The following CLDND1 variants were observed in gnomAD, a reference collection of about 807,000 sequenced individuals.
The protein encoded by CLDND1 is claudin domain-containing protein 1.
Under a neutral mutation model 26.3 loss-of-function variants are expected in CLDND1, and 13 were observed. That is an observed-to-expected ratio of 0.49 (90% CI 0.32 to 0.78). CLDND1 has a LOEUF of 0.78. Among genes scored for constraint, CLDND1 ranks in the 30% least tolerant of loss-of-function variants. The pLI, the probability that CLDND1 is intolerant of heterozygous loss-of-function variation, is 0.03. For missense variants in CLDND1, 289 were observed against 312.8 expected, an observed-to-expected ratio of 0.92 and a Z score of 0.57; for synonymous variants, 107 against 107.0, an observed-to-expected ratio of 1.00 and a Z score of 0.00.
At position 98,516,663 on chromosome 3, in the gene CLDND1, G is replaced by C. The variant is rs771953222; in HGVS notation, c.758C>G (p.Ala253Gly). 2.4e-5 allele frequency: 39 copies of C among 1,612,778 alleles called. No individual in the cohort carries two copies. In the Admixed American group the frequency reaches 6.5e-4, roughly 27 times the overall value. ...GTAAAGCAGGCAGTTTCTTGCTCAT[G>C]CCACACGATATGCCTTCATTAAGGT... ...EYTLMKAYRV[A>G] Residue 253 changes from alanine to glycine, a missense_variant, in exon 5 of 5, where the codon GCA becomes GGA. Physicochemically the swap from Ala to Gly is moderately conservative, Grantham distance 60 (BLOSUM62 0). Coordinates refer to ENST00000341181, the MANE Select transcript of CLDND1 (RefSeq NM_001040181.2).
chr3:98,517,330 G>C (rs1374489696), intron 3 of CLDND1, 141 bp from the exon 4 acceptor site: 4 of 944,270 alleles, frequency 4.2e-6, no homozygotes, highest in South Asian at 3.6e-5. Context: ...CTTTTCTAAA[G>C]CACATTATTC....
At chr3:98,519,544 G>C (rs909541408) in intron 2 of CLDND1, among the ~76,000 whole-genome samples, 1 of 152,142 alleles carries the variant, frequency 6.6e-6, no homozygotes. Context: ...CCTAACCATA[G>C]TCTTCTAGTT....
chr3:98,518,440 G>C (rs946489642), intron 3 of CLDND1, among the ~76,000 whole-genome samples: 2 of 152,116 alleles, frequency 1.3e-5, no homozygotes, highest in African/African-American at 4.8e-5. Flanking sequence ...CTACCCTTTT[G>C]TTACTATCAC....
In CLDND1 at chr3:98,522,883, A is replaced by G; in HGVS notation, c.-53T>C. 2.5e-6 allele frequency: 4 copies of G among 1,613,348 alleles called. No individual in the cohort carries two copies. Among genetic ancestry groups the G allele is most frequent in the Non-Finnish European group, 3.4e-6 (4 of 1,179,546 alleles). On this transcript the variant is annotated 5_prime_UTR_variant, in exon 1 of 5. Transcript: ENST00000341181. ...TCCTGCTCCGCCAGCTTCACCCTCTAGCTCAGACCACAGCACCCTACTCTC... is the reference window on the plus strand; with the variant it reads ...TCCTGCTCCGCCAGCTTCACCCTCTGGCTCAGACCACAGCACCCTACTCTC...
chr3:98,516,495 G>GA lies in CLDND1; in HGVS notation c.*163_*164insT. On this transcript the variant is annotated 3_prime_UTR_variant, in exon 5 of 5. Coordinates refer to ENST00000341181, the MANE Select transcript of CLDND1 (RefSeq NM_001040181.2). ...AAAGTAAACCACATAAATTTTAGTG[G>GA]TATTAAGTGTGTATTTAGTGGTGAA... 2.1e-6 allele frequency: 3 copies of GA among 1,412,190 alleles called. No individual in the cohort carries two copies. The allele number at this position is 1,412,190 out of a possible 1,614,324, so 87.5% of individuals were successfully genotyped here.
At chr3:98,517,328 A>C (rs935671960) in intron 3 of CLDND1, 139 bp from the exon 4 acceptor site, 9 of 955,390 alleles carry the variant, frequency 9.4e-6, no homozygotes, top group Non-Finnish European at 1.4e-5. Flanking sequence ...CTCTTTTCTA[A>C]AGCACATTAT....
rs958849907 is a variant in CLDND1 at position 98,522,484 on chromosome 3, T to C, written c.-19+365A>G. ...CAATGACAACGAAAACTCAAAAAGT[T>C]GGATTTGTATTTTGATTTTTTAAAA... On this transcript the variant is annotated intron_variant, in intron 1 of 4. Transcript: ENST00000341181. The C allele has an allele frequency of 2.2e-5, 25 of 1,126,148 alleles. No individual in the cohort carries two copies. The African/African-American group carries it at 4.1e-4, about 18-fold the overall frequency. 69.8% of individuals were successfully genotyped at this position (1,126,148 alleles called of 1,614,324 possible). A position where few individuals can be genotyped will look rare whatever the true frequency, so the allele number is the denominator to read the frequency against.
intron 2 of CLDND1, among the ~76,000 whole-genome samples, chr3:98,520,243 T>G (rs1017797822): frequency 1.3e-5 from 2 of 152,254 alleles, no homozygotes; most frequent in Admixed American, 1.3e-4. Context: ...AATTTCAATA[T>G]CAAGTGCTCC....
At chr3:98,522,742 A>G in intron 1 of CLDND1, 107 bp downstream of exon 1, 2 of 1,597,106 alleles carry the variant, frequency 1.3e-6, no homozygotes, top group South Asian at 2.2e-5. Flanking sequence ...GCCGCTCGGA[A>G]CCCGCCCAGC....
intron 1 of CLDND1, 76 bp downstream of exon 1, chr3:98,522,773 G>A: frequency 6.2e-7 from 1 of 1,611,986 alleles, no homozygotes; most frequent in Non-Finnish European, 8.5e-7. Flanking sequence ...CCGGGAAGGG[G>A]GCCCCTCTTC....
chr3:98,521,118 A>C lies in CLDND1; in HGVS notation c.292+15T>G. 6.3e-7 allele frequency: 1 copy of C among 1,596,852 alleles called. No individual in the cohort carries two copies. Among genetic ancestry groups the C allele is most frequent in the Non-Finnish European group, 8.6e-7 (1 of 1,168,190 alleles). On this transcript the variant is annotated intron_variant, in intron 2 of 4. Transcript: ENST00000341181. Reference sequence around the variant, plus strand: ...AACCAGGTGAAGAAGACAGAAGTTAAAATAAGAGAAATACCTGTCCTTTCT... The same window carrying C: ...AACCAGGTGAAGAAGACAGAAGTTACAATAAGAGAAATACCTGTCCTTTCT...
intron 2 of CLDND1, 139 bp downstream of exon 2, chr3:98,520,994 G>GAA (rs1706383401): frequency 1.4e-6 from 1 of 721,998 alleles, no homozygotes; most frequent in African/African-American, 1.8e-5. Flanking sequence ...GAAGGCAGTA[G>GAA]AAAGAGAAGA....
chr3:98,516,536 TAG>T lies in CLDND1; in HGVS notation c.*121_*122del, dbSNP rs1333075461. 29 of 1,423,294 alleles carry T rather than the reference TAG, an allele frequency of 2.0e-5. No individual in the cohort carries two copies. The highest frequency in any genetic ancestry group is 2.5e-5 in the Non-Finnish European group (27 of 1,083,344). The allele number at this position is 1,423,294 out of a possible 1,614,324, so 88.2% of individuals were successfully genotyped here. ...TAGTGGTGAATGTGTATAAATAAAA[TAG>T]ATTTTCATAATAAAATGGTATATCC... On this transcript the variant is annotated 3_prime_UTR_variant, in exon 5 of 5. Transcript: ENST00000341181.
In CLDND1 at chr3:98,522,842, C is replaced by T. The variant is rs993848229; in HGVS notation, c.-19+7G>A. On this transcript the variant is annotated splice_region_variant and intron_variant, in intron 1 of 4. Coordinates refer to ENST00000341181, the MANE Select transcript of CLDND1 (RefSeq NM_001040181.2). The stretch of plus-strand genomic sequence containing the variant: ...CCTGCCCGGCGACGCAGGTCCCGCT[C>T]ACTCACCGCCCATCCTCCTGCTCCG... The T allele has an allele frequency of 1.2e-6, 2 of 1,613,682 alleles. No individual in the cohort carries two copies. Among genetic ancestry groups the T allele is most frequent in the Non-Finnish European group, 1.7e-6 (2 of 1,179,756 alleles).
chr3:98,520,432 C>A (rs1706357346), intron 2 of CLDND1, among the ~76,000 whole-genome samples: 1 of 152,176 alleles, frequency 6.6e-6, no homozygotes, highest in Admixed American at 6.5e-5. Flanking sequence ...AAGGGGCCAA[C>A]AGAAGTAGTC....
At chr3:98,519,791 T>C (rs550716754) in intron 2 of CLDND1, among the ~76,000 whole-genome samples, 8 of 152,328 alleles carry the variant, frequency 5.3e-5, no homozygotes, top group South Asian at 4.1e-4. Flanking sequence ...GCTCCCGCCA[T>C]AGAGCCTTTG....
intron 3 of CLDND1, among the ~76,000 whole-genome samples, chr3:98,518,280 C>T (rs1301668439): frequency 6.6e-6 from 1 of 152,154 alleles, no homozygotes; most frequent in Non-Finnish European, 1.5e-5. Flanking sequence ...ACCTCTTATT[C>T]AACCTTTTCT....
At chr3:98,522,680 C>G (rs1706477859) in intron 1 of CLDND1, 169 bp downstream of exon 1, 1 of 1,456,076 alleles carries the variant, frequency 6.9e-7, no homozygotes, top group Non-Finnish European at 9.0e-7. Context: ...GCCAGGGTCC[C>G]CCGGTACCCG....
intron 2 of CLDND1, chr3:98,520,897 A>G (rs1706378754): frequency 7.1e-6 from 3 of 420,764 alleles, no homozygotes; most frequent in Non-Finnish European, 1.3e-5. Context: ...GAAAAAAAAA[A>G]GCCATTAAGG....
Sources: allele counts gnomAD v4.1 joint callset (sites outside exome capture counted in the v4.1 genomes callset), GRCh38; gene constraint gnomAD v4.1.1; transcripts MANE v1.5; gene names NCBI Gene and HGNC (gene_info 2026-07-23, HGNC 2026-07-21).